Variants in SQLE observed in about 807,000 individuals in gnomAD.
The protein encoded by SQLE is squalene monooxygenase.
In SQLE, 29 loss-of-function variants were observed where a neutral mutation model predicts 60.7. The ratio of observed to expected loss-of-function variants is 0.48; its 90% confidence interval spans 0.36 to 0.65. SQLE has a LOEUF of 0.65. SQLE is among the 30% of genes least tolerant of loss of function. The pLI is 0.00. For missense variants in SQLE, 605 were observed against 684.1 expected (o/e 0.88, Z 1.29); for synonymous variants, 237 against 246.8 (o/e 0.96, Z 0.37).
chr8:125,019,743 T>C (rs1173403264), intron 9 of SQLE, among the ~76,000 whole-genome samples: 2 of 152,174 alleles, frequency 1.3e-5, no homozygotes, highest in Non-Finnish European at 2.9e-5. Flanking sequence ...ATTTGCAACA[T>C]AGCTATTTGT....
chr8:124,999,712 C>T lies in SQLE; in HGVS notation c.291+18C>T, dbSNP rs1463770512. ...CCAGGAGGGTAGGTTGATTTCAAAG[C>T]GGGCAGATGAATGTCTTATTTAGGA... is the stretch of plus-strand genomic sequence containing the variant. On this transcript the variant is annotated intron_variant, in intron 1 of 10. Transcript: ENST00000265896. 6.5e-7 allele frequency: 1 copy of T among 1,550,074 alleles called. No individual in the cohort carries two copies. Among genetic ancestry groups the T allele is most frequent in the South Asian group, 1.2e-5 (1 of 80,624 alleles).
intron 9 of SQLE, 46 bp from the exon 10 acceptor site, chr8:125,020,738 A>C (rs1397997817): frequency 8.3e-7 from 1 of 1,198,544 alleles, no homozygotes; most frequent in South Asian, 1.3e-5. Flanking sequence ...TTAGCATCCT[A>C]CATAAGTGTG....
At chr8:125,009,485 A>G (rs1815006871) in intron 6 of SQLE, 142 bp downstream of exon 6, 1 of 878,488 alleles carries the variant, frequency 1.1e-6, no homozygotes, top group Non-Finnish European at 1.6e-6. Context: ...CAGCAAAACA[A>G]ACTCCCAAAT....
rs777897360 is a variant in SQLE at position 124,999,553 on chromosome 8, C to T, written c.150C>T (p.Asn50=). The change falls in exon 1 of 11, where the codon AAC becomes AAT. Residue 50 remains asparagine, a synonymous_variant. Coordinates refer to ENST00000265896, the MANE Select transcript of SQLE (RefSeq NM_003129.4). ...LVLSYRCRHR[N]GGLLGRQQSG... The stretch of plus-strand genomic sequence containing the variant: ...TCTCCTACCGCTGTCGCCACCGAAA[C>T]GGGGGTCTCCTCGGGCGCCAGCAGA... The T allele has an allele frequency of 6.2e-7, 1 of 1,613,314 alleles. No homozygotes were observed. The highest frequency in any genetic ancestry group is 1.3e-5 in the African/African-American group (1 of 75,022).
At position 125,009,093 on chromosome 8, in the gene SQLE, GGA is replaced by G. The variant is rs1292444963; in HGVS notation, c.936+11_936+12del. 2 of 1,583,876 alleles carry G rather than the reference GGA, an allele frequency of 1.3e-6. No individual in the cohort carries two copies. On this transcript the variant is annotated intron_variant, in intron 5 of 10. Coordinates refer to ENST00000265896, the MANE Select transcript of SQLE (RefSeq NM_003129.4). The stretch of plus-strand genomic sequence containing the variant: ...TTGGCTTTCTTATGAAGGTACTGTA[GGA>G]GTGTGTTATTGTAATTTCAATAAAA...
chr8:125,019,423 AAAAATT>A (rs1465321428), intron 9 of SQLE, among the ~76,000 whole-genome samples: 1 of 152,082 alleles, frequency 6.6e-6, no homozygotes, highest in Non-Finnish European at 1.5e-5. Context: ...CATCTCTACA[AAAAATT>A]AAAAGATCAG....
At chr8:125,018,471 TC>T (rs2129909500) in intron 8 of SQLE, among the ~76,000 whole-genome samples, 159 bp from the exon 9 acceptor site, 1 of 152,328 alleles carries the variant, frequency 6.6e-6, no homozygotes, top group East Asian at 1.9e-4. Context: ...AACCCATTGC[TC>T]TGAAGGTGAT....
intron 7 of SQLE, among the ~76,000 whole-genome samples, chr8:125,017,288 G>A (rs1286605577): frequency 6.6e-6 from 1 of 151,886 alleles, no homozygotes; most frequent in Non-Finnish European, 1.5e-5. Context: ...GAATCTACTT[G>A]GTGCTCTATT....
intron 1 of SQLE, among the ~76,000 whole-genome samples, chr8:125,002,797 A>G (rs1814877125): frequency 6.6e-6 from 1 of 152,238 alleles, no homozygotes; most frequent in Non-Finnish European, 1.5e-5. Context: ...TTCCCAGGAT[A>G]TATTTGAAGA....
At chr8:125,020,404 CTTAGT>C (rs1004838444) in intron 9 of SQLE, among the ~76,000 whole-genome samples, 4 of 152,114 alleles carry the variant, frequency 2.6e-5, no homozygotes, top group African/African-American at 9.7e-5. Context: ...TAATTTACTG[CTTAGT>C]TAGAGATACT....
intron 7 of SQLE, among the ~76,000 whole-genome samples, chr8:125,013,501 C>T (rs1033174763): frequency 2.0e-5 from 3 of 151,722 alleles, no homozygotes; most frequent in South Asian, 2.1e-4. Context: ...TATAGGTGCT[C>T]GCCACCGTGC....
chr8:125,011,598 A>G lies in SQLE; in HGVS notation c.1170A>G (p.Ala390=), dbSNP rs750836513. 1.9e-6 allele frequency: 3 copies of G among 1,585,054 alleles called. No homozygotes were observed. The East Asian group carries it at 6.8e-5, about 36-fold the overall frequency. Residue 390 remains alanine (A), a synonymous_variant, in exon 7 of 11, where the codon GCA becomes GCG. Transcript: ENST00000265896. The stretch of plus-strand genomic sequence containing the variant: ...ATTCTCATCTGAGGTCCATGCCAGC[A>G]AGCTTCCTTCCTCCTTCATCAGTGA... ...TDNSHLRSMP[A]SFLPPSSVKK...
intron 1 of SQLE, among the ~76,000 whole-genome samples, chr8:125,001,449 GGTGTGTGTGTGTGTGTGTGTGT>G (rs57946751): frequency 5.1e-5 from 7 of 137,018 alleles, no homozygotes; most frequent in Non-Finnish European, 7.8e-5. Context: ...CTCCTTTCAG[GGTGTGTGTGTGTGTGTGTGTGT>G]GTGTGTGTGT....
chr8:125,006,852 A>G (rs746629316), intron 3 of SQLE, among the ~76,000 whole-genome samples: 1 of 151,346 alleles, frequency 6.6e-6, no homozygotes, highest in Non-Finnish European at 1.5e-5. Context: ...TTACAGGCAC[A>G]TGCCACCACG....
intron 6 of SQLE, among the ~76,000 whole-genome samples, chr8:125,010,137 G>A (rs1815017149): frequency 6.6e-6 from 1 of 152,182 alleles, no homozygotes; most frequent in Non-Finnish European, 1.5e-5. Context: ...TATTAGTAAT[G>A]GCAGAACCAG....
chr8:125,013,356 C>CTTTTTCTTTCTTT (rs71576761), intron 7 of SQLE, among the ~76,000 whole-genome samples: 1 of 136,436 alleles, frequency 7.3e-6, no homozygotes, highest in African/African-American at 2.8e-5. Flanking sequence ...TTTTCTTTTT[C>CTTTTTCTTTCTTT]TTTTTTTTTT....
intron 2 of SQLE, among the ~76,000 whole-genome samples, 167 bp from the exon 3 acceptor site, chr8:125,005,358 A>G (rs1814929910): frequency 7.4e-6 from 1 of 135,104 alleles, no homozygotes; most frequent in Non-Finnish European, 1.5e-5. Flanking sequence ...ACTCTCATTG[A>G]CTTCCAGAAG....
chr8:125,004,074 G>A, intron 2 of SQLE, among the ~76,000 whole-genome samples: 1 of 152,072 alleles, frequency 6.6e-6, no homozygotes, highest in East Asian at 1.9e-4. Context: ...AATTTTGGGA[G>A]GACACAGACA....
Position 124,998,584 on chromosome 8 carries a change from C to T in SQLE, c.-820C>T, listed in dbSNP as rs1261023791. 4.4e-6 allele frequency: 3 copies of T among 685,384 alleles called. No individual in the cohort carries two copies. The highest frequency in any genetic ancestry group is 5.7e-5 in the East Asian group (2 of 34,986). The allele number at this position is 685,384 out of a possible 1,614,324, so 42.5% of individuals were successfully genotyped here. A position where few individuals can be genotyped will look rare whatever the true frequency, so the allele number is the denominator to read the frequency against. On this transcript the variant is annotated 5_prime_UTR_variant, in exon 1 of 11. Coordinates refer to ENST00000265896, the MANE Select transcript of SQLE (RefSeq NM_003129.4). The stretch of plus-strand genomic sequence containing the variant: ...TGGGGCCGCGCCGCGCTGGCGAGAG[C>T]CGCCGCCCGCGAGGGATGCTGGTGA...
Sources: gnomAD v4.1 joint callset for allele counts (sites outside exome capture counted in the v4.1 genomes callset) on GRCh38, gnomAD v4.1.1 for gene constraint, MANE v1.5 for transcripts, NCBI Gene and HGNC (gene_info 2026-07-23, HGNC 2026-07-21) for gene names.